COL12A1: variants seen among roughly 807,000 people sequenced by gnomAD.
The protein encoded by COL12A1 is collagen alpha-1(XII) chain.
In COL12A1, 114 loss-of-function variants were observed where a neutral mutation model predicts 349.7. The ratio of observed to expected loss-of-function variants is 0.33; its 90% CI spans 0.28 to 0.38. The LOEUF is 0.38. COL12A1 is among the 10% of genes least tolerant of loss of function. COL12A1 has a pLI of 1.00. For missense variants in COL12A1, 3,284 were observed against 3,756.9 expected (o/e 0.87, Z 3.29); for synonymous variants, 1,369 against 1,329.0 (o/e 1.03, Z -0.66).
intron 14 of COL12A1, among the ~76,000 whole-genome samples, chr6:75,160,968 G>T (rs1767997461): frequency 6.6e-6 from 1 of 152,116 alleles, no homozygotes; most frequent in African/African-American, 2.4e-5. Context: ...AAAGATAAAT[G>T]AAAACCAGTA....
At chr6:75,146,669 T>C (rs985003305) in intron 23 of COL12A1, among the ~76,000 whole-genome samples, 1 of 152,174 alleles carries the variant, frequency 6.6e-6, no homozygotes, top group African/African-American at 2.4e-5. Flanking sequence ...AAGAACACTA[T>C]ACATTAATAA....
chr6:75,090,221 G>C lies in COL12A1; in HGVS notation c.8830C>G (p.Pro2944Ala), dbSNP rs778365596. The part of the protein sequence containing the change: ...YQSSRNQPGP[P>A]GPPGPPGSAG... ...CTACCAGGAGGTCCCGGTGGACCCG[G>C]CGGGCCTGGCTGGTTGCGACTGGAC... The change falls in exon 63 of 66, where the codon CCG becomes GCG. Residue 2944 changes from proline (P) to alanine (A), a missense_variant. Pro to Ala is a conservative substitution (Grantham distance 27, BLOSUM62 -1). Around this residue, in one of 2 missense-constraint regions of COL12A1, gnomAD observed 683 missense variants for 932.1 expected, o/e 0.73. Coordinates refer to ENST00000322507, the MANE Select transcript of COL12A1 (RefSeq NM_004370.6). This position sits in a 1 kb window ranked among gnomAD's most constrained non-coding sequence, Gnocchi z 4.1. The C allele has an allele frequency of 3.1e-6, 5 of 1,614,108 alleles. No individual in the cohort carries two copies. The Admixed American group carries it at 8.3e-5, about 27-fold the overall frequency.
chr6:75,191,804 A>G (rs762902953), intron 4 of COL12A1, 44 bp from the exon 5 acceptor site: 1 of 1,298,766 alleles, frequency 7.7e-7, no homozygotes, highest in Non-Finnish European at 1.1e-6. Flanking sequence ...GAACCCAAGC[A>G]GATATTCTCT....
At chr6:75,177,537 T>A (rs1183663362) in intron 12 of COL12A1, 126 bp downstream of exon 12, 1 of 1,139,630 alleles carries the variant, frequency 8.8e-7, no homozygotes, top group African/African-American at 1.6e-5. Flanking sequence ...AAAAGGACTA[T>A]GGTCTAACAT....
rs1769251837 is a variant in COL12A1, at chr6:75,181,060, T to C, written c.2043A>G (p.Ala681=). The change falls in exon 11 of 66, where the codon GCA becomes GCG. Residue 681 remains alanine, a synonymous_variant. Transcript: ENST00000322507. Reference sequence around the variant, plus strand: ...TGCTGAGAACAACACTGGTGCTCGATGCTGGCTCCACCACAGTGACCTCAT... The same window carrying C: ...TGCTGAGAACAACACTGGTGCTCGACGCTGGCTCCACCACAGTGACCTCAT... ...GDDEVTVVEP[A]SSTSVVLSSL... is the part of the protein sequence containing the mutation. 2 of 1,614,116 alleles carry C rather than the reference T, an allele frequency of 1.2e-6. No individual in the cohort carries two copies. The highest frequency in any genetic ancestry group is 1.7e-6 in the Non-Finnish European group (2 of 1,180,008).
intron 14 of COL12A1, among the ~76,000 whole-genome samples, chr6:75,162,323 T>C (rs1007014018): frequency 6.6e-6 from 1 of 151,982 alleles, no homozygotes; most frequent in Admixed American, 6.6e-5. Flanking sequence ...AATAGACCAA[T>C]GGAACAGAAC....
At chr6:75,152,541 C>A in intron 17 of COL12A1, 59 bp from the exon 18 acceptor site, 1 of 1,586,416 alleles carries the variant, frequency 6.3e-7, no homozygotes, top group Non-Finnish European at 8.6e-7. Context: ...AGGGTACTTC[C>A]TTGTCACACC....
At chr6:75,096,577 AAT>A in intron 59 of COL12A1, among the ~76,000 whole-genome samples, 1 of 152,328 alleles carries the variant, frequency 6.6e-6, no homozygotes, top group Non-Finnish European at 1.5e-5. Flanking sequence ...TTGAAATTTA[AAT>A]GTTATAGGCA....
rs115003022 is a variant in COL12A1 at position 75,086,303 on chromosome 6, A to C, written c.*244T>G. On this transcript the variant is annotated 3_prime_UTR_variant, in exon 66 of 66. Coordinates refer to ENST00000322507, the MANE Select transcript of COL12A1 (RefSeq NM_004370.6). Reference sequence around the variant, plus strand: ...TGTGTGTTGGAACTTTTTTAAAATAATGTTTTTCTACATTATTACTGAAAT... The same window carrying C: ...TGTGTGTTGGAACTTTTTTAAAATACTGTTTTTCTACATTATTACTGAAAT... The C allele has an allele frequency of 1.5e-3, 387 of 261,864 alleles. 1 individual carries two copies. Among genetic ancestry groups the C allele is most frequent in the African/African-American group, 8.1e-3 (364 of 44,772 alleles). The allele number at this position is 261,864 out of a possible 1,614,324, so 16.2% of individuals were successfully genotyped here.
At position 75,103,805 on chromosome 6, in the gene COL12A1, T is replaced by C. The variant is rs1180342299; in HGVS notation, c.8271A>G (p.Gly2757=). Reference sequence around the variant, plus strand: ...CACCTCTGGGACCTTTAGCACCAGGTCCTCCCTAAAATACATAGAGCACAT... The same window carrying C: ...CACCTCTGGGACCTTTAGCACCAGGCCCTCCCTAAAATACATAGAGCACAT... The part of the protein sequence containing the change: ...GPPGPPGPAG[G]PGAKGPRGER... Residue 2757 remains glycine (G), a synonymous_variant, in exon 55 of 66, where the codon GGA becomes GGG. Coordinates refer to ENST00000322507, the MANE Select transcript of COL12A1 (RefSeq NM_004370.6). 3.1e-6 allele frequency: 5 copies of C among 1,612,976 alleles called. No homozygotes were observed. Among genetic ancestry groups the C allele is most frequent in the Non-Finnish European group, 4.2e-6 (5 of 1,179,170 alleles).
Position 75,089,180 on chromosome 6 carries a change from G to A in COL12A1, c.8942-6C>T. Reference sequence around the variant, plus strand: ...ACCTTTCTCTCCTGGCAAACCTAAGGAGGGAGAAAAAGAGAAAGCACAGGG... The same window carrying A: ...ACCTTTCTCTCCTGGCAAACCTAAGAAGGGAGAAAAAGAGAAAGCACAGGG... On this transcript the variant is annotated splice_region_variant and splice_polypyrimidine_tract_variant and intron_variant, in intron 63 of 65. Coordinates refer to ENST00000322507, the MANE Select transcript of COL12A1 (RefSeq NM_004370.6). The A allele has an allele frequency of 1.2e-6, 2 of 1,600,556 alleles. No individual in the cohort carries two copies. Among genetic ancestry groups the A allele is most frequent in the Middle Eastern group, 1.7e-4 (1 of 6,006 alleles).
At chr6:75,147,174 G>A (rs1394787529) in intron 23 of COL12A1, among the ~76,000 whole-genome samples, 1 of 152,200 alleles carries the variant, frequency 6.6e-6, no homozygotes, top group African/African-American at 2.4e-5. Flanking sequence ...TGGCAGCCGG[G>A]AGCGCTGGCC....
In COL12A1 at chr6:75,156,500, T is replaced by G; in HGVS notation, c.3007A>C (p.Lys1003Gln). Residue 1003 changes from lysine (K) to glutamine (Q), a missense_variant, in exon 15 of 66, where the codon AAA becomes CAA. Lys to Gln is a moderately conservative substitution (Grantham distance 53). Around this residue, in one of 2 missense-constraint regions of COL12A1, gnomAD observed 2,601 missense variants for 2,824.8 expected, o/e 0.92. Transcript: ENST00000322507. Reference protein sequence around the residue: ...TELSQDSKTLKVDEETENTMR... With the variant: ...TELSQDSKTLQVDEETENTMR... ...GTGTTTTCTGTTTCTTCATCTACTTTCAGGGTTTTGGAATCTTGAGATACT... is the reference window on the plus strand; with the variant it reads ...GTGTTTTCTGTTTCTTCATCTACTTGCAGGGTTTTGGAATCTTGAGATACT... The G allele has an allele frequency of 6.2e-7, 1 of 1,613,648 alleles. No homozygotes were observed. The highest frequency in any genetic ancestry group is 1.1e-5 in the South Asian group (1 of 91,064).
chr6:75,165,445 T>C (rs1768241746), intron 14 of COL12A1, 62 bp downstream of exon 14: 1 of 1,565,108 alleles, frequency 6.4e-7, no homozygotes, highest in Admixed American at 1.7e-5. Flanking sequence ...TGCATGTCAC[T>C]TGAGCTGATA....
intron 56 of COL12A1, 30 bp downstream of exon 56, chr6:75,102,567 T>C: frequency 7.0e-7 from 1 of 1,419,598 alleles, no homozygotes; most frequent in Non-Finnish European, 9.4e-7. Context: ...TCCACCACTC[T>C]CATTTAATAC....
rs200167099 is a variant in COL12A1, at chr6:75,177,777, T to C, written c.2323A>G (p.Arg775Gly). Residue 775 changes from arginine to glycine, a missense_variant, in exon 12 of 66, where the codon AGG (arginine) becomes GGG (glycine). Physicochemically the swap from Arg to Gly is moderately radical, Grantham distance 125. This residue lies in a region of COL12A1 where 2,601 missense variants were observed against 2,824.8 expected (regional missense o/e 0.92). Coordinates refer to ENST00000322507, the MANE Select transcript of COL12A1 (RefSeq NM_004370.6). ...SREVTTPPNQ[R>G]RRTLENLIPD... ...ATCAAGTTCTCCAGTGTTCTCCTCC[T>C]CTGATTGGGTGGGGTGGTAACTTCT... 1.8e-4 allele frequency: 292 copies of C among 1,613,976 alleles called. No homozygotes were observed. Among genetic ancestry groups the C allele is most frequent in the Non-Finnish European group, 2.1e-4 (248 of 1,180,020 alleles).
At position 75,124,311 on chromosome 6, in the gene COL12A1, T is replaced by C; in HGVS notation, c.6668A>G (p.Lys2223Arg). ...YQIGWDTFCVKWSPHRAATSY... is the reference protein window; with the variant it reads ...YQIGWDTFCVRWSPHRAATSY... ...GGTGGCTGCCCGGTGAGGTGACCAT[T>C]TGACACAGAATGTATCCCACCCAAT... is the stretch of plus-strand genomic sequence containing the variant. The change falls in exon 41 of 66, where the codon AAA (lysine) becomes AGA (arginine). Residue 2223 changes from lysine (K) to arginine (R), a missense_variant. Physicochemically the swap from Lys to Arg is conservative, Grantham distance 26. Coordinates refer to ENST00000322507, the MANE Select transcript of COL12A1 (RefSeq NM_004370.6). 1 of 1,613,810 alleles carries C rather than the reference T, an allele frequency of 6.2e-7. No homozygotes were observed. The highest frequency in any genetic ancestry group is 8.5e-7 in the Non-Finnish European group (1 of 1,179,840).
chr6:75,143,885 A>G (rs1167615241), intron 25 of COL12A1, among the ~76,000 whole-genome samples: 4 of 152,244 alleles, frequency 2.6e-5, no homozygotes, highest in Non-Finnish European at 5.9e-5. Context: ...CTAAATTGTT[A>G]GAAGAAAATC....
chr6:75,146,547 C>T (rs1473155145), intron 23 of COL12A1, among the ~76,000 whole-genome samples: 4 of 152,200 alleles, frequency 2.6e-5, no homozygotes, highest in African/African-American at 9.7e-5. Context: ...ATACGTTACT[C>T]TCTTTTTCTG....
Sources: allele counts gnomAD v4.1 joint callset (sites outside exome capture counted in the v4.1 genomes callset), GRCh38; gene constraint gnomAD v4.1.1; regional missense constraint gnomAD v4.1.1; non-coding constraint Gnocchi (gnomAD v3.1); transcripts MANE v1.5; gene names NCBI Gene and HGNC (gene_info 2026-07-23, HGNC 2026-07-21).